IQCJ: variants seen among roughly 807,000 people sequenced by gnomAD.
IQCJ encodes IQ domain-containing protein J.
A neutral mutation model predicts 11.0 loss-of-function variants in IQCJ; 9 were observed. The ratio of observed to expected loss-of-function variants is 0.82; its 90% CI spans 0.49 to 1.43. IQCJ has a LOEUF of 1.43. IQCJ is among the 40% of genes most tolerant of loss of function. The pLI, the probability that IQCJ is intolerant of heterozygous loss-of-function variation, is 0.00. For missense variants in IQCJ, 146 were observed against 133.2 expected (o/e 1.10, Z -0.47); for synonymous variants, 55 against 51.3 (o/e 1.07, Z -0.31).
At chr3:159,203,559 T>C (rs1724472690) in intron 1 of IQCJ, among the ~76,000 whole-genome samples, 1 of 151,974 alleles carries the variant, frequency 6.6e-6, no homozygotes, top group Non-Finnish European at 1.5e-5. Context: ...TGCATCAAAC[T>C]CTAAAGGTAG....
chr3:159,101,332 G>A (rs1421786407), intron 1 of IQCJ, among the ~76,000 whole-genome samples: 4 of 151,996 alleles, frequency 2.6e-5, no homozygotes, highest in East Asian at 2.0e-4. Context: ...CGTCTTCTGC[G>A]TCGCTCAGGC....
At chr3:159,096,472 T>A (rs1717764858) in intron 1 of IQCJ, among the ~76,000 whole-genome samples, 1 of 127,138 alleles carries the variant, frequency 7.9e-6, no homozygotes, top group Non-Finnish European at 1.6e-5. Flanking sequence ...ATGCCTAGGT[T>A]TTCTTCTAGG....
intron 1 of IQCJ, among the ~76,000 whole-genome samples, chr3:159,229,982 T>C (rs905990861): frequency 4.7e-5 from 7 of 149,046 alleles, no homozygotes. Flanking sequence ...ATGGGTATAT[T>C]GGACCCAGTT....
At chr3:159,190,407 G>A (rs1723613284) in intron 1 of IQCJ, among the ~76,000 whole-genome samples, 1 of 152,208 alleles carries the variant, frequency 6.6e-6, no homozygotes, top group South Asian at 2.1e-4. Flanking sequence ...GCTGACTTCC[G>A]AGATTTACAG....
chr3:159,238,829 T>C (rs1162573923), intron 1 of IQCJ, among the ~76,000 whole-genome samples: 1 of 152,036 alleles, frequency 6.6e-6, no homozygotes, highest in Non-Finnish European at 1.5e-5. Context: ...TTGACTGGGC[T>C]CAGAGAAGAA....
At chr3:159,103,454 T>C (rs958103724) in intron 1 of IQCJ, among the ~76,000 whole-genome samples, 2 of 152,158 alleles carry the variant, frequency 1.3e-5, no homozygotes, top group Admixed American at 1.3e-4. Context: ...AAACACAAAA[T>C]GGAGTTGTCA....
At chr3:159,082,195 A>T (rs1716359739) in intron 1 of IQCJ, among the ~76,000 whole-genome samples, 1 of 152,176 alleles carries the variant, frequency 6.6e-6, no homozygotes, top group Non-Finnish European at 1.5e-5. Flanking sequence ...ACTTAGAAAA[A>T]GTATCTATAA....
downstream of IQCJ, chr3:159,265,840 C>A (rs1321213372): frequency 6.4e-6 from 1 of 156,890 alleles, no homozygotes; most frequent in East Asian, 1.8e-4. Flanking sequence ...CCTATCTCAA[C>A]TATCTACCCC....
At chr3:159,183,662 G>A (rs1357488773) in intron 1 of IQCJ, among the ~76,000 whole-genome samples, 2 of 152,174 alleles carry the variant, frequency 1.3e-5, no homozygotes, top group Non-Finnish European at 2.9e-5. Flanking sequence ...TGCTAGTTGA[G>A]TAGCTCTCCT....
At chr3:159,234,891 G>A (rs1027513504) in intron 1 of IQCJ, among the ~76,000 whole-genome samples, 1 of 152,076 alleles carries the variant, frequency 6.6e-6, no homozygotes, top group African/African-American at 2.4e-5. Context: ...ACCCTGCTAA[G>A]CAAAAAAATC....
intron 1 of IQCJ, among the ~76,000 whole-genome samples, chr3:159,114,847 C>A (rs1387754521): frequency 6.6e-6 from 1 of 152,174 alleles, no homozygotes; most frequent in Non-Finnish European, 1.5e-5. Flanking sequence ...TGATCTGCTC[C>A]GGAAGCTCAA....
intron 1 of IQCJ, among the ~76,000 whole-genome samples, chr3:159,080,365 T>G (rs1444863698): frequency 1.3e-5 from 2 of 152,090 alleles, no homozygotes; most frequent in Non-Finnish European, 2.9e-5. Flanking sequence ...TCCACTGTGG[T>G]TATCATCACA....
chr3:159,105,499 C>T (rs1399838521), intron 1 of IQCJ, among the ~76,000 whole-genome samples: 2 of 152,112 alleles, frequency 1.3e-5, no homozygotes, highest in African/African-American at 4.8e-5. Flanking sequence ...CTCAGTGGAG[C>T]TTACACTCTC....
chr3:159,185,122 T>G (rs1228445550), intron 1 of IQCJ, among the ~76,000 whole-genome samples: 2 of 152,128 alleles, frequency 1.3e-5, no homozygotes, highest in African/African-American at 4.8e-5. Context: ...CCCATTACAA[T>G]CCATAACAGA....
In IQCJ at chr3:159,084,781, A is replaced by T. The variant is rs550130223; in HGVS notation, c.9+15340A>T. Among the ~76,000 whole-genome samples, 3 of 152,192 alleles carry T rather than the reference A, an allele frequency of 2.0e-5. No individual in the cohort carries two copies. The South Asian group carries it at 6.2e-4, about 32-fold the overall frequency. The stretch of plus-strand genomic sequence containing the variant: ...GCAGAAACTAGAAAAACTCATGAAA[A>T]TGACAGAGGAGGTAACCCCATTAAG... On this transcript the variant is annotated intron_variant, in intron 1 of 3. Coordinates refer to ENST00000397832, the MANE Select transcript of IQCJ (RefSeq NM_001042706.3).
At chr3:159,083,183 C>T (rs1716448703) in intron 1 of IQCJ, among the ~76,000 whole-genome samples, 1 of 152,048 alleles carries the variant, frequency 6.6e-6, no homozygotes, top group African/African-American at 2.4e-5. Context: ...CAAGCTATAG[C>T]CTGGGGGACA....
At chr3:159,212,915 T>C (rs1335457433) in intron 1 of IQCJ, among the ~76,000 whole-genome samples, 16 of 152,258 alleles carry the variant, frequency 1.1e-4, no homozygotes. Context: ...GTTGTCACCA[T>C]AAACATCCTT....
At chr3:159,181,031 C>A (rs1723062337) in intron 1 of IQCJ, among the ~76,000 whole-genome samples, 1 of 151,832 alleles carries the variant, frequency 6.6e-6, no homozygotes, top group Non-Finnish European at 1.5e-5. Flanking sequence ...CCCTTCATAG[C>A]TAAGTATCTT....
At chr3:159,205,416 C>T (rs1463320622) in intron 1 of IQCJ, among the ~76,000 whole-genome samples, 1 of 152,132 alleles carries the variant, frequency 6.6e-6, no homozygotes, top group Non-Finnish European at 1.5e-5. Flanking sequence ...GAAACTGTAT[C>T]CAAGCCTCAA....
Sources: allele counts gnomAD v4.1 joint callset (sites outside exome capture counted in the v4.1 genomes callset), GRCh38; gene constraint gnomAD v4.1.1; transcripts MANE v1.5; gene names NCBI Gene and HGNC (gene_info 2026-07-23, HGNC 2026-07-21).